Variants in EIF4E3 observed in about 807,000 individuals in gnomAD.
The protein encoded by EIF4E3 is eukaryotic translation initiation factor 4E type 3.
In EIF4E3, 26 loss-of-function variants were observed where a neutral mutation model predicts 31.7. That is an observed-to-expected ratio of 0.82 (90% CI 0.60 to 1.14). The LOEUF (loss-of-function observed/expected upper bound fraction) is 1.14, where lower values mean the gene tolerates loss of function less well. Among genes scored for constraint, EIF4E3 ranks in the 50% most tolerant of loss-of-function variants. EIF4E3 has a pLI of 0.00. For synonymous variants in EIF4E3, 128 were observed against 107.7 expected (o/e 1.19, Z -1.17); for missense variants, 304 against 270.9 (o/e 1.12, Z -0.86).
At chr3:71,669,257 G>T in the EIF4E3 span, among the ~76,000 whole-genome samples, 5 of 151,472 alleles carry the variant, frequency 3.3e-5, 1 homozygote, top group African/African-American at 1.2e-4. Flanking sequence ...GTTGGGGGGT[G>T]GGGGGCAAGG....
intron 5 of EIF4E3, among the ~76,000 whole-genome samples, chr3:71,693,502 T>C (rs1479643346): frequency 6.6e-6 from 1 of 152,132 alleles, no homozygotes; most frequent in African/African-American, 2.4e-5. Context: ...CTGGAAGAAC[T>C]GGAACAGATA....
At chr3:71,675,189 G>C (rs2048866598), downstream of EIF4E3, among the ~76,000 whole-genome samples, 1 of 152,150 alleles carries the variant, frequency 6.6e-6, no homozygotes, top group African/African-American at 2.4e-5. Flanking sequence ...ATAGTTAAAG[G>C]TCACCAGTAA....
chr3:71,707,036 G>A (rs939591685), intron 2 of EIF4E3, among the ~76,000 whole-genome samples: 12 of 152,140 alleles, frequency 7.9e-5, no homozygotes, highest in Non-Finnish European at 1.8e-4. Context: ...GTGGTGGTGC[G>A]ATCCAGAGTA....
At chr3:71,693,767 C>G in intron 5 of EIF4E3, 108 bp downstream of exon 5, 2 of 1,102,074 alleles carry the variant, frequency 1.8e-6, no homozygotes, top group South Asian at 2.0e-5. Flanking sequence ...AAATAAACAA[C>G]TTCAAAACAT....
chr3:71,682,821 AAT>A lies in EIF4E3; in HGVS notation c.*1859_*1860del, dbSNP rs1040279785. 9 of 152,460 alleles carry A rather than the reference AAT, an allele frequency of 5.9e-5. No individual in the cohort carries two copies. Among genetic ancestry groups the A allele is most frequent in the African/African-American group, 1.9e-4 (8 of 41,264 alleles). 9.4% of individuals were successfully genotyped at this position (152,460 alleles called of 1,614,324 possible). The stretch of plus-strand genomic sequence containing the variant: ...CAAATGCTTTAAATAAAGTTCAAAA[AAT>A]AAAAATACTTCAAAATCCATTTACT... On this transcript the variant is annotated 3_prime_UTR_variant, in exon 7 of 7. Transcript: ENST00000425534.
chr3:71,719,183 C>T (rs564721422), intron 1 of EIF4E3, among the ~76,000 whole-genome samples: 1 of 152,340 alleles, frequency 6.6e-6, no homozygotes, highest in Admixed American at 6.5e-5. Context: ...AAACATTCAG[C>T]ATGTGAGATA....
At chr3:71,726,055 G>A (rs1186271620), upstream of EIF4E3, among the ~76,000 whole-genome samples, 1 of 152,130 alleles carries the variant, frequency 6.6e-6, no homozygotes, top group Non-Finnish European at 1.5e-5. Context: ...CACCGACTGG[G>A]GCATGAGGTT....
chr3:71,685,809 G>A (rs143414122), intron 6 of EIF4E3, among the ~76,000 whole-genome samples: 3 of 152,096 alleles, frequency 2.0e-5, no homozygotes, highest in East Asian at 1.9e-4. Context: ...TCTACCTCCC[G>A]GATCTGGTTA....
At chr3:71,747,988 G>A (rs773076683) in intron 1 of EIF4E3, among the ~76,000 whole-genome samples, 34 of 152,222 alleles carry the variant, frequency 2.2e-4, no homozygotes, top group Non-Finnish European at 3.7e-4. Flanking sequence ...GATATGCAGT[G>A]ATCATTTTTC....
chr3:71,754,120 C>CA, upstream of EIF4E3: 1 of 1,428,770 alleles, frequency 7.0e-7, no homozygotes, highest in Non-Finnish European at 9.2e-7. The surrounding 1 kb of genome is among the most constrained non-coding windows in gnomAD (Gnocchi z 5.8). Context: ...AAGCTGGCCA[C>CA]GCTCAGCCTG....
chr3:71,689,977 C>A, intron 6 of EIF4E3, 33 bp downstream of exon 6: 1 of 1,557,208 alleles, frequency 6.4e-7, no homozygotes, highest in Non-Finnish European at 8.7e-7. Context: ...ATAGAGTAAG[C>A]TAGAAAGTAA....
In EIF4E3 at chr3:71,714,254, G is replaced by A. The variant is rs1399398738; in HGVS notation, c.177-3770C>T. 7.8e-3 allele frequency among the ~76,000 whole-genome samples: 918 copies of A among 117,906 alleles called. 8 individuals carry two copies. The highest frequency in any genetic ancestry group is 0.03 in the African/African-American group (804 of 26,710). The allele number at this position is 117,906 out of a possible 152,430, so 77.4% of individuals were successfully genotyped here. A position where few individuals can be genotyped will look rare whatever the true frequency, so the allele number is the denominator to read the frequency against. On this transcript the variant is annotated intron_variant, in intron 1 of 6. Coordinates refer to ENST00000425534, the MANE Select transcript of EIF4E3 (RefSeq NM_001134651.2). ...GAAGGGAAGAAGGAAAGGAAGGAAG[G>A]AAGGAAGGAAGGAAGGAAAGAAGGA...
chr3:71,750,915 C>A (rs2049921469), intron 1 of EIF4E3, among the ~76,000 whole-genome samples: 1 of 151,920 alleles, frequency 6.6e-6, no homozygotes, highest in African/African-American at 2.4e-5. Flanking sequence ...AGGCGCCTGC[C>A]ACCATGCCCA....
the EIF4E3 span, among the ~76,000 whole-genome samples, chr3:71,660,502 A>G: frequency 6.6e-6 from 1 of 152,182 alleles, no homozygotes; most frequent in South Asian, 2.1e-4. Flanking sequence ...GGCCCTCTGA[A>G]TGGAGAGAGA....
rs1469450318 is a variant in EIF4E3 at position 71,725,321 on chromosome 3, G to A, written c.47C>T (p.Pro16Leu). The A allele has an allele frequency of 1.4e-5, 14 of 972,358 alleles. No individual in the cohort carries two copies. Among genetic ancestry groups the A allele is most frequent in the East Asian group, 1.2e-4 (1 of 8,692 alleles). 60.2% of individuals were successfully genotyped at this position (972,358 alleles called of 1,614,324 possible). ...AGCGGCGGCGGCGCGGGACCCCGGC[G>A]GCTCCCGGGCCCCGGCGGGGGGCGC... ...AAAPPAGAREPPGSRAAAAAA... is the reference protein window; with the variant it reads ...AAAPPAGARELPGSRAAAAAA... The change falls in exon 1 of 7, where the codon CCG becomes CTG. Residue 16 changes from proline to leucine, a missense_variant. Physicochemically the swap from Pro to Leu is moderately conservative, Grantham distance 98. Transcript: ENST00000425534. This position sits in a 1 kb window ranked among gnomAD's most constrained non-coding sequence, Gnocchi z 6.1.
At chr3:71,724,567 A>C (rs2049600630) in intron 1 of EIF4E3, among the ~76,000 whole-genome samples, 1 of 152,312 alleles carries the variant, frequency 6.6e-6, no homozygotes, top group Middle Eastern at 3.4e-3. Context: ...TGACAAGGTC[A>C]GCTGCTGCTC....
At chr3:71,687,143 G>C (rs2108013038) in intron 6 of EIF4E3, among the ~76,000 whole-genome samples, 1 of 152,264 alleles carries the variant, frequency 6.6e-6, no homozygotes, top group East Asian at 1.9e-4. Context: ...TGGGATTATA[G>C]GCACCTGCCA....
upstream of EIF4E3, chr3:71,754,224 G>T: frequency 7.3e-7 from 1 of 1,371,210 alleles, no homozygotes; most frequent in Non-Finnish European, 9.6e-7. The surrounding 1 kb of genome is among the most constrained non-coding windows in gnomAD (Gnocchi z 5.8). Flanking sequence ...CCTGCTGCTC[G>T]ACCTGTGCCT....
chr3:71,672,275 G>A (rs546523267), downstream of EIF4E3, among the ~76,000 whole-genome samples: 3 of 152,206 alleles, frequency 2.0e-5, no homozygotes, highest in South Asian at 6.2e-4. Context: ...TAAAAGGCGA[G>A]ATCTATAAAC....
Sources: allele counts gnomAD v4.1 joint callset (sites outside exome capture counted in the v4.1 genomes callset), GRCh38; gene constraint gnomAD v4.1.1; non-coding constraint Gnocchi (gnomAD v3.1); transcripts MANE v1.5; gene names NCBI Gene and HGNC (gene_info 2026-07-23, HGNC 2026-07-21).